EIF5: variants seen among roughly 807,000 people sequenced by gnomAD.
The protein encoded by EIF5 is eukaryotic translation initiation factor 5.
EIF5 carries 10 observed loss-of-function variants against 48.3 expected under a neutral mutation model. The ratio of observed to expected loss-of-function variants is 0.21; its 90% CI spans 0.13 to 0.35. The LOEUF (loss-of-function observed/expected upper bound fraction) is 0.35. EIF5 is among the 10% of genes least tolerant of loss of function. EIF5 has a pLI of 1.00. For missense variants in EIF5, 397 were observed against 533.2 expected (o/e 0.74, Z 2.51); for synonymous variants, 237 against 173.1 (o/e 1.37, Z -2.90).
chr14:103,338,153 A>G lies in EIF5; in HGVS notation c.440-174A>G, dbSNP rs975041551. On this transcript the variant is annotated intron_variant, in intron 6 of 11. Transcript: ENST00000216554. ...CATTCTTAGACTAACATTCTTACGT[A>G]TGAAATACATGATGAATTTGATCTG... 42 of 884,446 alleles carry G rather than the reference A, an allele frequency of 4.7e-5. No homozygotes were observed. In the East Asian group the frequency reaches 9.5e-4, roughly 20 times the overall value. The allele number at this position is 884,446 out of a possible 1,614,324, so 54.8% of individuals were successfully genotyped here. A position where few individuals can be genotyped will look rare whatever the true frequency, so the allele number is the denominator to read the frequency against.
In EIF5 at chr14:103,338,781, C is replaced by G. The variant is rs770948575; in HGVS notation, c.632C>G (p.Ala211Gly). The change falls in exon 8 of 12, where the codon GCT becomes GGT. Residue 211 changes from alanine to glycine, a missense_variant. Around this residue, in one of 4 missense-constraint regions of EIF5, gnomAD observed 126 missense variants for 141.9 expected, o/e 0.89. Transcript: ENST00000216554. Reference protein sequence around the residue: ...DDWGEDTTEEAQRRRMDEISD... With the variant: ...DDWGEDTTEEGQRRRMDEISD... ...TGGGGAGAAGATACAACTGAGGAAG[C>G]TCAAAGGCGTCGAATGGATGAAATC... 2 of 1,614,108 alleles carry G rather than the reference C, an allele frequency of 1.2e-6. No homozygotes were observed. Among genetic ancestry groups the G allele is most frequent in the Non-Finnish European group, 1.7e-6 (2 of 1,180,032 alleles).
Position 103,342,810 on chromosome 14 carries a change from G to C in EIF5, c.*1758G>C, listed in dbSNP as rs189720390. ...TTTCTTCAAACTTGTATGTTGCCTA[G>C]GTTTCAAATTCTTTGCCGCAAGGCT... On this transcript the variant is annotated 3_prime_UTR_variant, in exon 12 of 12. Transcript: ENST00000216554. The C allele has an allele frequency of 6.5e-6, 1 of 152,696 alleles. No individual in the cohort carries two copies. The highest frequency in any genetic ancestry group is 2.4e-5 in the African/African-American group (1 of 41,530). The allele number at this position is 152,696 out of a possible 1,614,324, so 9.5% of individuals were successfully genotyped here.
chr14:103,334,351 G>A (rs1165601386), intron 1 of EIF5, 38 bp from the exon 2 acceptor site: 1 of 152,252 alleles, frequency 6.6e-6, no homozygotes, highest in Non-Finnish European at 1.5e-5. Flanking sequence ...TGCACTCCCC[G>A]ACCGCCCACG....
Position 103,338,907 on chromosome 14 carries a change from T to C in EIF5, c.744+14T>C. The C allele has an allele frequency of 6.2e-7, 1 of 1,611,852 alleles. No individual in the cohort carries two copies. ...GATTTTGTTAAGGTAAAACATTTGC[T>C]TGGTCTGTAAATCAGCTTCAACCCA... is the stretch of plus-strand genomic sequence containing the variant. On this transcript the variant is annotated intron_variant, in intron 8 of 11. Coordinates refer to ENST00000216554, the MANE Select transcript of EIF5 (RefSeq NM_001969.5).
At chr14:103,340,129 G>T (rs965822428) in intron 10 of EIF5, among the ~76,000 whole-genome samples, 2 of 152,184 alleles carry the variant, frequency 1.3e-5, no homozygotes, top group African/African-American at 4.8e-5. Flanking sequence ...GAGGTTACAG[G>T]TGTGAGCTCC....
chr14:103,335,758 C>G lies in EIF5; in HGVS notation c.-103C>G. ...TTTTTCATGTCAGAGACCGAGAACT[C>G]TTGCAGTCGTTTATGTCATCCCTTC... On this transcript the variant is annotated 5_prime_UTR_variant, in exon 3 of 12. Transcript: ENST00000216554. 1.5e-6 allele frequency: 2 copies of G among 1,357,780 alleles called. No homozygotes were observed. Among genetic ancestry groups the G allele is most frequent in the Non-Finnish European group, 2.1e-6 (2 of 958,858 alleles). The allele number at this position is 1,357,780 out of a possible 1,614,324, so 84.1% of individuals were successfully genotyped here. A position where few individuals can be genotyped will look rare whatever the true frequency, so the allele number is the denominator to read the frequency against.
chr14:103,340,684 C>G, intron 11 of EIF5, 123 bp downstream of exon 11: 1 of 1,246,860 alleles, frequency 8.0e-7, no homozygotes, highest in Non-Finnish European at 1.1e-6. Flanking sequence ...ATTTAAGATG[C>G]AGTAAAATAC....
Position 103,343,865 on chromosome 14 carries a change from C to G in EIF5, c.*2813C>G, listed in dbSNP as rs1002411659. The G allele has an allele frequency of 6.6e-6, 1 of 152,182 alleles. No homozygotes were observed. The highest frequency in any genetic ancestry group is 6.5e-5 in the Admixed American group (1 of 15,284). 9.4% of individuals were successfully genotyped at this position (152,182 alleles called of 1,614,324 possible). A position where few individuals can be genotyped will look rare whatever the true frequency, so the allele number is the denominator to read the frequency against. On this transcript the variant is annotated 3_prime_UTR_variant, in exon 12 of 12. Transcript: ENST00000216554. ...TTTATTTGACAAGTCTGCAGACAAT[C>G]CTTATCTAACCAGCTATTTTCTTAA...
intron 4 of EIF5, among the ~76,000 whole-genome samples, chr14:103,336,332 C>T (rs563504014): frequency 6.6e-6 from 1 of 152,270 alleles, no homozygotes; most frequent in East Asian, 1.9e-4. Flanking sequence ...CTGTAACCCC[C>T]AGCACTTTGG....
chr14:103,345,001 TAA>T lies in EIF5; in HGVS notation c.*3951_*3952del, dbSNP rs778490172. On this transcript the variant is annotated 3_prime_UTR_variant, in exon 12 of 12. Transcript: ENST00000216554. ...AATCTCAGAAAAAAGTAGATTTTAA[TAA>T]AGTGTGAAAGTTGTCAATCAAAGCG... 6.6e-6 allele frequency: 1 copy of T among 152,270 alleles called. No homozygotes were observed. Among genetic ancestry groups the T allele is most frequent in the Non-Finnish European group, 1.5e-5 (1 of 68,024 alleles). 9.4% of individuals were successfully genotyped at this position (152,270 alleles called of 1,614,324 possible).
chr14:103,335,498 G>C lies in EIF5; in HGVS notation c.-208-155G>C, dbSNP rs553910002. The C allele has an allele frequency of 1.1e-4, 33 of 298,292 alleles. No homozygotes were observed. In the Admixed American group the frequency reaches 1.3e-3, roughly 12 times the overall value. The allele number at this position is 298,292 out of a possible 1,614,324, so 18.5% of individuals were successfully genotyped here. A position where few individuals can be genotyped will look rare whatever the true frequency, so the allele number is the denominator to read the frequency against. On this transcript the variant is annotated intron_variant, in intron 2 of 11. Transcript: ENST00000216554. ...TTTATGTTCCCGCAGATTGTACTGT[G>C]TTACATGAGAATGGCTGTTTGCATG... is the stretch of plus-strand genomic sequence containing the variant.
At chr14:103,335,629 G>T in intron 2 of EIF5, 24 bp from the exon 3 acceptor site, 1 of 561,818 alleles carries the variant, frequency 1.8e-6, no homozygotes. Flanking sequence ...GGATTTTTGT[G>T]TGTTCTTTCC....
At chr14:103,337,690 G>A (rs2089304044) in intron 6 of EIF5, 1 of 376,738 alleles carries the variant, frequency 2.7e-6, no homozygotes, top group Non-Finnish European at 5.2e-6. Context: ...TACCATTAAA[G>A]GTGAAAAATA....
Position 103,338,853 on chromosome 14 carries a change from C to A in EIF5, c.704C>A (p.Thr235Lys). Residue 235 changes from threonine (T) to lysine (K), a missense_variant, in exon 8 of 12, where the codon ACA becomes AAA. Around this residue, in one of 4 missense-constraint regions of EIF5, gnomAD observed 126 missense variants for 141.9 expected, o/e 0.89. Coordinates refer to ENST00000216554, the MANE Select transcript of EIF5 (RefSeq NM_001969.5). ...ACACTCAGTGATGATTTGGAAAGAACAATTGAGGAGAGGGTCAATATCCTC... is the reference window on the plus strand; with the variant it reads ...ACACTCAGTGATGATTTGGAAAGAAAAATTGAGGAGAGGGTCAATATCCTC... ...VLTLSDDLER[T>K]IEERVNILFD... The A allele has an allele frequency of 1.2e-6, 2 of 1,614,106 alleles. No individual in the cohort carries two copies. The highest frequency in any genetic ancestry group is 1.7e-6 in the Non-Finnish European group (2 of 1,180,018).
chr14:103,339,624 G>C lies in EIF5; in HGVS notation c.907-15G>C, dbSNP rs768280061. The C allele has an allele frequency of 2.5e-6, 4 of 1,614,012 alleles. No homozygotes were observed. Among genetic ancestry groups the C allele is most frequent in the Non-Finnish European group, 3.4e-6 (4 of 1,179,974 alleles). On this transcript the variant is annotated splice_polypyrimidine_tract_variant and intron_variant, in intron 9 of 11. Coordinates refer to ENST00000216554, the MANE Select transcript of EIF5 (RefSeq NM_001969.5). ...ACATAAAAAAGATTGTTAACACCAA[G>C]GTGTCTATTTGCAGTTTTGTCACAA... is the stretch of plus-strand genomic sequence containing the variant.
chr14:103,340,954 T>C lies in EIF5; in HGVS notation c.1207-9T>C, dbSNP rs762035011. 1 of 1,612,858 alleles carries C rather than the reference T, an allele frequency of 6.2e-7. No individual in the cohort carries two copies. The highest frequency in any genetic ancestry group is 8.5e-7 in the Non-Finnish European group (1 of 1,178,904). Reference sequence around the variant, plus strand: ...AGCTTATGTTGAATAAAATCATTCCTCTTAACAGGTGGTGTATTCGAAGGC... The same window carrying C: ...AGCTTATGTTGAATAAAATCATTCCCCTTAACAGGTGGTGTATTCGAAGGC... On this transcript the variant is annotated splice_polypyrimidine_tract_variant and intron_variant, in intron 11 of 11. Coordinates refer to ENST00000216554, the MANE Select transcript of EIF5 (RefSeq NM_001969.5).
chr14:103,339,048 A>C (rs1225832310), intron 8 of EIF5, 124 bp from the exon 9 acceptor site: 13 of 1,471,308 alleles, frequency 8.8e-6, no homozygotes, highest in African/African-American at 1.4e-5. Flanking sequence ...GATTCCAGGC[A>C]CTATGTGTCA....
At chr14:103,339,852 T>G (rs540754035) in intron 10 of EIF5, 49 bp downstream of exon 10, 1 of 1,574,374 alleles carries the variant, frequency 6.4e-7, no homozygotes, top group South Asian at 1.2e-5. Flanking sequence ...TTTGGGGGGT[T>G]TTTTTGTTTG....
Position 103,344,425 on chromosome 14 carries a change from T to C in EIF5, c.*3373T>C, listed in dbSNP as rs992592603. 1 of 152,182 alleles carries C rather than the reference T, an allele frequency of 6.6e-6. No individual in the cohort carries two copies. Among genetic ancestry groups the C allele is most frequent in the Non-Finnish European group, 1.5e-5 (1 of 68,044 alleles). 9.4% of individuals were successfully genotyped at this position (152,182 alleles called of 1,614,324 possible). On this transcript the variant is annotated 3_prime_UTR_variant, in exon 12 of 12. Coordinates refer to ENST00000216554, the MANE Select transcript of EIF5 (RefSeq NM_001969.5). ...CTCCAGGTGAATGGTAGGATCTGAG[T>C]TGACCCTGCAGTTCGGTTATGCAGT...
Sources: allele counts gnomAD v4.1 joint callset (sites outside exome capture counted in the v4.1 genomes callset), GRCh38; gene constraint gnomAD v4.1.1; regional missense constraint gnomAD v4.1.1; transcripts MANE v1.5; gene names NCBI Gene and HGNC (gene_info 2026-07-23, HGNC 2026-07-21).